The following SERHL2 variants were observed in gnomAD, a reference collection of about 807,000 sequenced individuals.
SERHL2 encodes the protein serine hydrolase-like protein 2.
In SERHL2, 29 loss-of-function variants were observed where a neutral mutation model predicts 25.5. The ratio of observed to expected loss-of-function variants is 1.14; its 90% confidence interval spans 0.85 to 1.55. The LOEUF is 1.55. Among genes scored for constraint, SERHL2 ranks in the 40% most tolerant of loss-of-function variants. SERHL2 has a pLI of 0.00. For synonymous variants in SERHL2, 95 were observed against 103.5 expected (o/e 0.92, Z 0.50); for missense variants, 240 against 252.3 (o/e 0.95, Z 0.33).
intron 8 of SERHL2, among the ~76,000 whole-genome samples, chr22:42,566,014 C>T (rs1923329056): frequency 6.6e-6 from 1 of 152,038 alleles, no homozygotes; most frequent in Non-Finnish European, 1.5e-5. Flanking sequence ...TAGAGCTCCA[C>T]CGTCCACGAG....
chr22:42,560,777 C>A (rs1411918217), intron 8 of SERHL2, among the ~76,000 whole-genome samples: 1 of 151,938 alleles, frequency 6.6e-6, no homozygotes, highest in Non-Finnish European at 1.5e-5. Context: ...GCTCTGTCAC[C>A]TAGGCTGGAG....
intron 8 of SERHL2, among the ~76,000 whole-genome samples, chr22:42,564,822 G>A (rs1923128283): frequency 6.6e-6 from 1 of 151,896 alleles, no homozygotes; most frequent in African/African-American, 2.4e-5. Context: ...TTTTGAGACA[G>A]GGTCTTGCTG....
intron 11 of SERHL2, 195 bp from the exon 12 acceptor site, chr22:42,573,741 C>G: frequency 3.0e-6 from 2 of 668,824 alleles, no homozygotes; most frequent in East Asian, 2.6e-5. Flanking sequence ...CTCCAAGTCC[C>G]TAGGGTTAGA....
chr22:42,554,126 G>A (rs552930574), intron 1 of SERHL2, 84 bp downstream of exon 1: 2 of 1,511,578 alleles, frequency 1.3e-6, no homozygotes, highest in Admixed American at 1.8e-5. Flanking sequence ...GGAGTGGAGG[G>A]TTCGCCGACC....
intron 11 of SERHL2, chr22:42,572,807 G>A (rs1924418631): frequency 2.9e-6 from 2 of 681,114 alleles, no homozygotes; most frequent in African/African-American, 3.9e-5. Context: ...TGGGATTACA[G>A]GCACCTGCCA....
intron 8 of SERHL2, among the ~76,000 whole-genome samples, chr22:42,564,177 C>T (rs1428548467): frequency 1.3e-5 from 2 of 151,538 alleles, no homozygotes; most frequent in African/African-American, 2.4e-5. Flanking sequence ...GGGTCTAGCA[C>T]TAGCATTTAA....
Position 42,554,086 on chromosome 22 carries a change from C to T in SERHL2, c.22+44C>T, listed in dbSNP as rs373458123. ...GTGCGAGCGTCCCACTGCCCACCCA[C>T]CTGGTTGGGACAGTAGAAGAGGGCG... is the stretch of plus-strand genomic sequence containing the variant. On this transcript the variant is annotated intron_variant, in intron 1 of 11. Coordinates refer to ENST00000327678, the MANE Select transcript of SERHL2 (RefSeq NM_014509.5). 1.3e-5 allele frequency: 21 copies of T among 1,605,640 alleles called. No homozygotes were observed. The African/African-American group carries it at 1.3e-4, about 10-fold the overall frequency.
intron 8 of SERHL2, among the ~76,000 whole-genome samples, chr22:42,564,439 CT>C (rs572457769): frequency 6.8e-6 from 1 of 146,166 alleles, no homozygotes. Context: ...TTTTTTTTTT[CT>C]TTTTTTTTGA....
At chr22:42,568,586 G>C (rs952237927) in intron 9 of SERHL2, among the ~76,000 whole-genome samples, 1 of 151,930 alleles carries the variant, frequency 6.6e-6, no homozygotes. Flanking sequence ...GAAAGACTTC[G>C]TTAGGACATA....
rs560305101 is a variant in SERHL2 at position 42,564,587 on chromosome 22, A to G, written c.614-1717A>G. 1.3e-4 allele frequency among the ~76,000 whole-genome samples: 19 copies of G among 151,554 alleles called. No individual in the cohort carries two copies. In the South Asian group the frequency reaches 4.0e-3, roughly 32 times the overall value. On this transcript the variant is annotated intron_variant, in intron 8 of 11. Coordinates refer to ENST00000327678, the MANE Select transcript of SERHL2 (RefSeq NM_014509.5). Reference sequence around the variant, plus strand: ...GCTGGGATTACAGGTGCCCACCACCATGCCTGGCTAATTTTTGTATTTTTA... The same window carrying G: ...GCTGGGATTACAGGTGCCCACCACCGTGCCTGGCTAATTTTTGTATTTTTA...
chr22:42,559,812 T>A (rs929594889), intron 7 of SERHL2, among the ~76,000 whole-genome samples: 8 of 151,884 alleles, frequency 5.3e-5, no homozygotes, highest in African/African-American at 1.9e-4. Context: ...TTTTTGTTGT[T>A]GTTGTGTTTT....
chr22:42,565,853 G>GT (rs1923304988), intron 8 of SERHL2, among the ~76,000 whole-genome samples: 1 of 151,604 alleles, frequency 6.6e-6, no homozygotes, highest in African/African-American at 2.4e-5. Context: ...GTTTTTTAGT[G>GT]GTTTTTGTTT....
At chr22:42,573,848 T>G (rs137053) in intron 11 of SERHL2, 88 bp from the exon 12 acceptor site, 446,339 of 1,256,296 alleles carry the variant, frequency 0.36, 75,628 homozygotes, top group African/African-American at 0.83. Context: ...GGAGCTGGAA[T>G]GCTGTGGGAG....
chr22:42,568,731 A>G (rs1361652138), intron 9 of SERHL2, among the ~76,000 whole-genome samples: 3 of 151,954 alleles, frequency 2.0e-5, no homozygotes, highest in East Asian at 1.9e-4. Flanking sequence ...TTGGGATGCC[A>G]AGGCAGGCAG....
chr22:42,569,442 T>A (rs1276377045), intron 9 of SERHL2: 1 of 151,842 alleles, frequency 6.6e-6, no homozygotes, highest in Non-Finnish European at 1.5e-5. Context: ...GTAATTTTAG[T>A]AGAGATGGGG....
intron 9 of SERHL2, among the ~76,000 whole-genome samples, chr22:42,568,431 T>A (rs1211393198): frequency 1.3e-5 from 2 of 151,718 alleles, no homozygotes; most frequent in Non-Finnish European, 2.9e-5. Flanking sequence ...ACCTTCGTGG[T>A]AGGAATTTAT....
intron 9 of SERHL2, among the ~76,000 whole-genome samples, chr22:42,570,820 C>T (rs1001105447): frequency 1.1e-4 from 16 of 152,200 alleles, no homozygotes; most frequent in South Asian, 2.1e-4. Flanking sequence ...GCCCAACTCA[C>T]TTCTCTGCCT....
rs184240065 is a variant in SERHL2, at chr22:42,566,353, C to A, written c.648+15C>A. On this transcript the variant is annotated intron_variant, in intron 9 of 11. Transcript: ENST00000327678. ...GGCTCGCCTGGGTGAGTACCACTGCCTCCGGGTCCCCCGCCAAGGTTTGCC... is the reference window on the plus strand; with the variant it reads ...GGCTCGCCTGGGTGAGTACCACTGCATCCGGGTCCCCCGCCAAGGTTTGCC... The A allele has an allele frequency of 6.2e-7, 1 of 1,610,660 alleles. No homozygotes were observed. Among genetic ancestry groups the A allele is most frequent in the Non-Finnish European group, 8.5e-7 (1 of 1,178,456 alleles).
chr22:42,563,694 T>G (rs896321212), intron 8 of SERHL2, among the ~76,000 whole-genome samples: 5 of 151,940 alleles, frequency 3.3e-5, no homozygotes, highest in African/African-American at 1.2e-4. Flanking sequence ...TTATTTTTTA[T>G]TATACTCTTT....
Sources: allele counts gnomAD v4.1 joint callset (sites outside exome capture counted in the v4.1 genomes callset), GRCh38; gene constraint gnomAD v4.1.1; transcripts MANE v1.5; gene names NCBI Gene and HGNC (gene_info 2026-07-23, HGNC 2026-07-21).